PRDM6: variants seen among roughly 807,000 people sequenced by gnomAD.
The protein encoded by PRDM6 is putative histone-lysine N-methyltransferase PRDM6.
Under a neutral mutation model 60.8 loss-of-function variants are expected in PRDM6, and 25 were observed. The ratio of observed to expected loss-of-function variants is 0.41; its 90% CI spans 0.30 to 0.57. The LOEUF (loss-of-function observed/expected upper bound fraction) is 0.57, where lower values mean the gene tolerates loss of function less well. Among genes scored for constraint, PRDM6 ranks in the 20% least tolerant of loss-of-function variants. The pLI is 0.27. For missense variants in PRDM6, 839 were observed against 821.3 expected, an observed-to-expected ratio of 1.02 and a Z score of -0.26; for synonymous variants, 407 against 357.4, an observed-to-expected ratio of 1.14 and a Z score of -1.57.
At chr5:123,170,526 G>A (rs935492822) in intron 5 of PRDM6, among the ~76,000 whole-genome samples, 1 of 152,136 alleles carries the variant, frequency 6.6e-6, no homozygotes, top group East Asian at 1.9e-4. Context: ...CTCCATGAGG[G>A]CAAAGACCAT....
At chr5:123,161,803 G>C (rs770957557) in intron 5 of PRDM6, among the ~76,000 whole-genome samples, 17 of 152,158 alleles carry the variant, frequency 1.1e-4, no homozygotes, top group Non-Finnish European at 2.5e-4. Flanking sequence ...GCTGTTGTAG[G>C]GTTTTGAGAA....
Position 123,099,575 on chromosome 5 carries a change from G to A in PRDM6, c.593-79G>A. The stretch of plus-strand genomic sequence containing the variant: ...GGCGGGCGGTGATGCTGTTGTCTCG[G>A]GAGTTTACTCAAAGATGGGCCGCTC... On this transcript the variant is annotated intron_variant, in intron 2 of 7. Coordinates refer to ENST00000407847, the MANE Select transcript of PRDM6 (RefSeq NM_001136239.4). The surrounding 1 kb of genome is among the most constrained non-coding windows in gnomAD (Gnocchi z 4.0). The A allele has an allele frequency of 7.6e-7, 1 of 1,311,970 alleles. No individual in the cohort carries two copies. Among genetic ancestry groups the A allele is most frequent in the South Asian group, 1.7e-5 (1 of 59,294 alleles). The allele number at this position is 1,311,970 out of a possible 1,614,324, so 81.3% of individuals were successfully genotyped here. A position where few individuals can be genotyped will look rare whatever the true frequency, so the allele number is the denominator to read the frequency against.
At chr5:123,169,182 G>A (rs1159674461) in intron 5 of PRDM6, among the ~76,000 whole-genome samples, 3 of 152,022 alleles carry the variant, frequency 2.0e-5, no homozygotes, top group Non-Finnish European at 4.4e-5. Flanking sequence ...TAATCTCTCA[G>A]CCTTGAAATG....
At position 123,180,225 on chromosome 5, in the gene PRDM6, T is replaced by C; in HGVS notation, c.1575T>C (p.Ser525=). The C allele has an allele frequency of 6.4e-7, 1 of 1,552,110 alleles. No individual in the cohort carries two copies. The highest frequency in any genetic ancestry group is 2.0e-5 in the Admixed American group (1 of 51,014). Residue 525 remains serine (S), a synonymous_variant, in exon 7 of 8, where the codon AGT becomes AGC. Coordinates refer to ENST00000407847, the MANE Select transcript of PRDM6 (RefSeq NM_001136239.4). The part of the protein sequence containing the change: ...ELRNHVVTHS[S]DRPFKCGYCG... ...GGAACCACGTGGTCACTCACTCTAG[T>C]GACCGGCCTTTCAAGTGCGGCTACT...
intron 2 of PRDM6, among the ~76,000 whole-genome samples, chr5:123,094,707 G>A (rs903359822): frequency 2.0e-5 from 3 of 152,106 alleles, no homozygotes; most frequent in Admixed American, 6.5e-5. Flanking sequence ...AGGAGAGAGT[G>A]GAGCCAGCCC....
chr5:123,180,010 C>T, intron 6 of PRDM6, 137 bp from the exon 7 acceptor site: 1 of 774,560 alleles, frequency 1.3e-6, no homozygotes, highest in Non-Finnish European at 2.0e-6. Context: ...AGTGGGAATC[C>T]AGTGGCCAAA....
chr5:123,142,927 C>CA (rs59832599), intron 3 of PRDM6, among the ~76,000 whole-genome samples: 57 of 41,180 alleles, frequency 1.4e-3, no homozygotes, highest in Middle Eastern at 0.013. Flanking sequence ...CAAAACAAAA[C>CA]AAAAAAAAAC....
At chr5:123,177,415 G>T (rs1453908202) in intron 6 of PRDM6, among the ~76,000 whole-genome samples, 1 of 152,092 alleles carries the variant, frequency 6.6e-6, no homozygotes, top group Non-Finnish European at 1.5e-5. Context: ...TACAGAATCA[G>T]CCTCTGCAAA....
At position 123,192,645 on chromosome 5, in the gene PRDM6, C is replaced by T. The variant is rs1766454561; in HGVS notation, c.*5444C>T. On this transcript the variant is annotated 3_prime_UTR_variant, in exon 8 of 8. Coordinates refer to ENST00000407847, the MANE Select transcript of PRDM6 (RefSeq NM_001136239.4). ...AAATAACCCTCTCAAGTGTGATATA[C>T]ATTAGGACAAATGGCAACAGGCAGG... 1.3e-5 allele frequency: 2 copies of T among 152,090 alleles called. No homozygotes were observed. Among genetic ancestry groups the T allele is most frequent in the African/African-American group, 4.8e-5 (2 of 41,418 alleles). 9.4% of individuals were successfully genotyped at this position (152,090 alleles called of 1,614,324 possible).
In PRDM6 at chr5:123,170,750, G is replaced by C. The variant is rs1765868855; in HGVS notation, c.1154-16G>C. On this transcript the variant is annotated splice_polypyrimidine_tract_variant and intron_variant, in intron 5 of 7. Coordinates refer to ENST00000407847, the MANE Select transcript of PRDM6 (RefSeq NM_001136239.4). The stretch of plus-strand genomic sequence containing the variant: ...GCTAATAAAACTGTTCTTCTAAACT[G>C]TTGCTATTCTCCTAGTAAATGTCCC... 3 of 1,512,896 alleles carry C rather than the reference G, an allele frequency of 2.0e-6. No individual in the cohort carries two copies. The highest frequency in any genetic ancestry group is 2.7e-6 in the Non-Finnish European group (3 of 1,117,704). The allele number at this position is 1,512,896 out of a possible 1,614,324, so 93.7% of individuals were successfully genotyped here.
At chr5:123,142,084 A>G (rs916414719) in intron 3 of PRDM6, among the ~76,000 whole-genome samples, 18 of 152,254 alleles carry the variant, frequency 1.2e-4, no homozygotes, top group Admixed American at 1.0e-3. Context: ...TTATGATTAA[A>G]TTTGCCTAGG....
At chr5:123,184,432 C>T (rs796161683) in intron 7 of PRDM6, among the ~76,000 whole-genome samples, 23 of 152,248 alleles carry the variant, frequency 1.5e-4, no homozygotes, top group Non-Finnish European at 2.6e-4. Flanking sequence ...GAGATACTCC[C>T]GTCAAGGCTG....
intron 1 of PRDM6, 146 bp from the exon 2 acceptor site, chr5:123,089,854 G>A: frequency 1.6e-6 from 1 of 617,224 alleles, no homozygotes; most frequent in Admixed American, 3.0e-5. Context: ...TTGCGCCCAA[G>A]CGGAGTTGGG....
At chr5:123,158,546 A>C (rs1028631324) in intron 4 of PRDM6, among the ~76,000 whole-genome samples, 1 of 152,242 alleles carries the variant, frequency 6.6e-6, no homozygotes, top group African/African-American at 2.4e-5. Flanking sequence ...GAGAATCTGC[A>C]CTTTTTTATT....
intron 4 of PRDM6, among the ~76,000 whole-genome samples, chr5:123,157,078 A>T (rs1644319): frequency 3.5e-5 from 5 of 143,650 alleles, no homozygotes; most frequent in African/African-American, 1.1e-4. Context: ...TTTTTTTTTT[A>T]AACGAAGCTT....
At chr5:123,094,147 A>C (rs1763906378) in intron 2 of PRDM6, among the ~76,000 whole-genome samples, 1 of 152,082 alleles carries the variant, frequency 6.6e-6, no homozygotes, top group Non-Finnish European at 1.5e-5. Flanking sequence ...TCTGGGCCTA[A>C]CACTGGTTTG....
chr5:123,170,853 C>G lies in PRDM6; in HGVS notation c.1241C>G (p.Thr414Ser). 6.4e-7 allele frequency: 1 copy of G among 1,552,270 alleles called. No individual in the cohort carries two copies. The highest frequency in any genetic ancestry group is 8.7e-7 in the Non-Finnish European group (1 of 1,147,120). ...FNKSSKLAPT[T>S]QQRSVVFPQT... ...AAAAGCAGCAAACTCGCCCCTACCA[C>G]CCAGCAGCGCTCCGTTGTTTTCCCC... is the stretch of plus-strand genomic sequence containing the variant. The change falls in exon 6 of 8, where the codon ACC (threonine) becomes AGC (serine). Residue 414 changes from threonine (T) to serine (S), a missense_variant. Physicochemically the swap from Thr to Ser is moderately conservative, Grantham distance 58. Coordinates refer to ENST00000407847, the MANE Select transcript of PRDM6 (RefSeq NM_001136239.4).
chr5:123,090,683 G>C, intron 2 of PRDM6, 77 bp downstream of exon 2: 1 of 1,014,170 alleles, frequency 9.9e-7, no homozygotes, highest in Non-Finnish European at 1.4e-6. Flanking sequence ...CTGTCAGGGA[G>C]GCGGGTCGGA....
At chr5:123,184,367 A>G (rs982240331) in intron 7 of PRDM6, among the ~76,000 whole-genome samples, 13 of 152,010 alleles carry the variant, frequency 8.6e-5, no homozygotes, top group African/African-American at 3.1e-4. Flanking sequence ...ACTCCTCACA[A>G]TGAGGAGTTT....
Sources: gnomAD v4.1 joint callset for allele counts (sites outside exome capture counted in the v4.1 genomes callset) on GRCh38, gnomAD v4.1.1 for gene constraint, Gnocchi (gnomAD v3.1) non-coding constraint, MANE v1.5 for transcripts, NCBI Gene and HGNC (gene_info 2026-07-23, HGNC 2026-07-21) for gene names.